Variants in RPTOR observed in about 807,000 individuals in gnomAD.
RPTOR encodes the protein regulatory associated protein of MTOR complex 1, also known as regulatory-associated protein of mTOR.
RPTOR carries 21 observed loss-of-function variants against 169.9 expected under a neutral mutation model. The ratio of observed to expected loss-of-function variants is 0.12; its 90% CI spans 0.09 to 0.18. The LOEUF (loss-of-function observed/expected upper bound fraction) is 0.18. Among genes scored for constraint, RPTOR ranks in the 10% least tolerant of loss-of-function variants. The pLI, the probability that RPTOR is intolerant of heterozygous loss-of-function variation, is 1.00. For synonymous variants in RPTOR, 732 were observed against 753.2 expected (o/e 0.97, Z 0.46); for missense variants, 1,133 against 1,855.9 (o/e 0.61, Z 7.16).
chr17:80,840,303 ACTCACCGCACGGCAGCTCACT>A lies in RPTOR; in HGVS notation c.1212+2327_1212+2347del, dbSNP rs2067613845. 8.6e-5 allele frequency among the ~76,000 whole-genome samples: 12 copies of A among 139,592 alleles called. No individual in the cohort carries two copies. In the South Asian group the frequency reaches 1.6e-3, roughly 19 times the overall value. The allele number at this position is 139,592 out of a possible 152,430, so 91.6% of individuals were successfully genotyped here. ...TCACTCTCTCTGCACCGCAGCTCACACTCACCGCACGGCAGCTCACTCTCACCGCACGGCAGCTCACACTCA... is the reference window on the plus strand; with the variant it reads ...TCACTCTCTCTGCACCGCAGCTCACACTCACCGCACGGCAGCTCACACTCA... On this transcript the variant is annotated intron_variant, in intron 10 of 33. Coordinates refer to ENST00000306801, the MANE Select transcript of RPTOR (RefSeq NM_020761.3).
At chr17:80,784,700 CTTTTT>C (rs201356839) in intron 6 of RPTOR, among the ~76,000 whole-genome samples, 2 of 137,384 alleles carry the variant, frequency 1.5e-5, no homozygotes, top group African/African-American at 5.4e-5. Context: ...GCCTATTTTA[CTTTTT>C]TTTTTTTTTT....
chr17:80,739,149 G>A (rs940674108), intron 5 of RPTOR, among the ~76,000 whole-genome samples: 7 of 34,710 alleles, frequency 2.0e-4, no homozygotes, highest in Admixed American at 5.8e-4. Context: ...CACCTCTGCC[G>A]CCACCACGGA....
chr17:80,807,653 A>G (rs759695787), intron 7 of RPTOR, among the ~76,000 whole-genome samples: 5 of 151,944 alleles, frequency 3.3e-5, no homozygotes, highest in Non-Finnish European at 7.4e-5. Context: ...TGCCCGGCCA[A>G]GCCCCTTTTT....
At chr17:80,722,051 T>A (rs1045861064) in intron 4 of RPTOR, among the ~76,000 whole-genome samples, 1 of 151,122 alleles carries the variant, frequency 6.6e-6, no homozygotes, top group Non-Finnish European at 1.5e-5. Flanking sequence ...TAGTTAATTT[T>A]AAAATATTTT....
At chr17:80,835,670 G>A (rs749026456) in intron 9 of RPTOR, among the ~76,000 whole-genome samples, 15 of 152,192 alleles carry the variant, frequency 9.9e-5, no homozygotes, top group Non-Finnish European at 1.8e-4. Flanking sequence ...GCACAAAATT[G>A]TGTAAAATTC....
chr17:80,827,360 T>C (rs1030116770), intron 9 of RPTOR, among the ~76,000 whole-genome samples: 4 of 152,208 alleles, frequency 2.6e-5, no homozygotes, highest in Non-Finnish European at 4.4e-5. Context: ...CCAGTTCCTG[T>C]TGTGGGGCTC....
At chr17:80,665,901 G>A (rs1215753228) in intron 3 of RPTOR, among the ~76,000 whole-genome samples, 1 of 152,106 alleles carries the variant, frequency 6.6e-6, no homozygotes, top group Non-Finnish European at 1.5e-5. Context: ...GAAGATCTTC[G>A]TCGGAAAGAT....
intron 5 of RPTOR, among the ~76,000 whole-genome samples, chr17:80,745,511 A>C (rs560876364): frequency 8.2e-6 from 1 of 122,142 alleles, no homozygotes; most frequent in Non-Finnish European, 1.9e-5. Context: ...TCAACAATAT[A>C]TTAAAAATAT....
chr17:80,919,372 T>A (rs1269060146), intron 21 of RPTOR, among the ~76,000 whole-genome samples: 3 of 152,176 alleles, frequency 2.0e-5, no homozygotes, highest in Non-Finnish European at 4.4e-5. Flanking sequence ...TTTAAGAGTT[T>A]CTCACACATG....
intron 3 of RPTOR, among the ~76,000 whole-genome samples, chr17:80,690,479 T>G (rs1216125183): frequency 6.6e-6 from 1 of 152,224 alleles, no homozygotes; most frequent in Non-Finnish European, 1.5e-5. Context: ...TGCACCTGTC[T>G]GCCTGTCTCT....
At chr17:80,594,673 CAG>C (rs753220479) in intron 1 of RPTOR, among the ~76,000 whole-genome samples, 3 of 152,170 alleles carry the variant, frequency 2.0e-5, no homozygotes, top group Non-Finnish European at 4.4e-5. Context: ...TAGAACTCAG[CAG>C]AGAGAACCAG....
At chr17:80,617,879 A>T (rs4890057) in intron 1 of RPTOR, among the ~76,000 whole-genome samples, 1 of 152,088 alleles carries the variant, frequency 6.6e-6, no homozygotes, top group African/African-American at 2.4e-5. Flanking sequence ...GCATGGCTTC[A>T]CACACCCGCA....
At chr17:80,681,501 G>A (rs1211712706) in intron 3 of RPTOR, among the ~76,000 whole-genome samples, 2 of 152,176 alleles carry the variant, frequency 1.3e-5, no homozygotes, top group African/African-American at 2.4e-5. Context: ...TGCGGGGAGT[G>A]TAGGGAAGGC....
chr17:80,849,815 G>A (rs934724283), intron 11 of RPTOR, among the ~76,000 whole-genome samples: 23 of 152,224 alleles, frequency 1.5e-4, no homozygotes, highest in African/African-American at 4.8e-4. Context: ...ACCGCACCCA[G>A]CCCTGAACAC....
intron 28 of RPTOR, among the ~76,000 whole-genome samples, chr17:80,950,180 C>T (rs1367799263): frequency 6.6e-6 from 1 of 152,224 alleles, no homozygotes; most frequent in African/African-American, 2.4e-5. Flanking sequence ...TCTGCAGCAC[C>T]AGGCATTCGC....
At chr17:80,824,798 T>C (rs1384985579) in intron 9 of RPTOR, among the ~76,000 whole-genome samples, 1 of 152,226 alleles carries the variant, frequency 6.6e-6, no homozygotes, top group Non-Finnish European at 1.5e-5. Context: ...AAGCACCTCC[T>C]ATCTGATGTG....
rs1416552668 is a variant in RPTOR at position 80,844,291 on chromosome 17, T to C, written c.1213-2182T>C. 6.6e-6 allele frequency among the ~76,000 whole-genome samples: 1 copy of C among 152,186 alleles called. No homozygotes were observed. The highest frequency in any genetic ancestry group is 1.5e-5 in the Non-Finnish European group (1 of 68,030). On this transcript the variant is annotated intron_variant, in intron 10 of 33. Transcript: ENST00000306801. The surrounding 1 kb of genome is among the most constrained non-coding windows in gnomAD (Gnocchi z 4.7). ...CAGGCAAAGGTGTGCTTTTCCTTTT[T>C]TGTCAGTTTGAGGTGAATAGTCAGG...
At chr17:80,596,813 C>T (rs1326922900) in intron 1 of RPTOR, among the ~76,000 whole-genome samples, 1 of 152,090 alleles carries the variant, frequency 6.6e-6, no homozygotes, top group Non-Finnish European at 1.5e-5. Flanking sequence ...GGAAGGGACT[C>T]ACCACCACGC....
At chr17:80,649,276 G>T (rs1288735506) in intron 3 of RPTOR, among the ~76,000 whole-genome samples, 1 of 152,200 alleles carries the variant, frequency 6.6e-6, no homozygotes, top group Non-Finnish European at 1.5e-5. Context: ...CATTCACGTT[G>T]CGACATTAGT....
Sources: allele counts gnomAD v4.1 joint callset (sites outside exome capture counted in the v4.1 genomes callset), GRCh38; gene constraint gnomAD v4.1.1; non-coding constraint Gnocchi (gnomAD v3.1); transcripts MANE v1.5; gene names NCBI Gene and HGNC (gene_info 2026-07-23, HGNC 2026-07-21).